Variants in CLINT1 observed in about 807,000 individuals in gnomAD.
CLINT1 encodes clathrin interacting protein localized in the trans-Golgi region.
Under a neutral mutation model 70.4 loss-of-function variants are expected in CLINT1, and 15 were observed. The ratio of observed to expected loss-of-function variants is 0.21; its 90% CI spans 0.14 to 0.33. The LOEUF (loss-of-function observed/expected upper bound fraction) is 0.33. Among genes scored for constraint, CLINT1 ranks in the 10% least tolerant of loss-of-function variants. CLINT1 has a pLI of 1.00. For synonymous variants in CLINT1, 227 were observed against 254.7 expected (o/e 0.89, Z 1.04); for missense variants, 615 against 778.1 (o/e 0.79, Z 2.49).
rs146594218 is a variant in CLINT1 at position 157,832,019 on chromosome 5, G to A, written c.42-14472C>T. 9.4e-5 allele frequency among the ~76,000 whole-genome samples: 14 copies of A among 149,668 alleles called. No homozygotes were observed. The East Asian group carries it at 2.2e-3, about 24-fold the overall frequency. ...CCACTGTTTTTTAAGACAGAGTCTC[G>A]CACTGTCCCCCAAGCTGGAGTGCAG... On this transcript the variant is annotated intron_variant, in intron 1 of 11. Coordinates refer to ENST00000411809, the MANE Select transcript of CLINT1 (RefSeq NM_014666.4).
chr5:157,823,119 T>C (rs1762927492), intron 1 of CLINT1, among the ~76,000 whole-genome samples: 1 of 152,206 alleles, frequency 6.6e-6, no homozygotes, highest in Non-Finnish European at 1.5e-5. Context: ...GATCAGGCAA[T>C]CTTTTATTTG....
At chr5:157,850,848 G>A (rs1753548714) in intron 1 of CLINT1, among the ~76,000 whole-genome samples, 1 of 151,924 alleles carries the variant, frequency 6.6e-6, no homozygotes, top group Non-Finnish European at 1.5e-5. Context: ...AGGCTAGAGT[G>A]CAGTGGCACA....
chr5:157,802,542 C>CTT (rs199598702), intron 8 of CLINT1, among the ~76,000 whole-genome samples: 4 of 137,290 alleles, frequency 2.9e-5, no homozygotes, highest in South Asian at 2.3e-4. Context: ...GTAGCCCTCT[C>CTT]TTTTTTTTTT....
intron 1 of CLINT1, among the ~76,000 whole-genome samples, chr5:157,817,979 G>A (rs989076203): frequency 6.6e-6 from 1 of 152,138 alleles, no homozygotes; most frequent in African/African-American, 2.4e-5. Context: ...TGTAACAGCT[G>A]AACAGTATCT....
At chr5:157,804,820 G>A (rs1428639496) in intron 7 of CLINT1, among the ~76,000 whole-genome samples, 3 of 151,898 alleles carry the variant, frequency 2.0e-5, no homozygotes, top group African/African-American at 4.8e-5. Flanking sequence ...TCAGCTACTC[G>A]GGAGGCTGAG....
intron 3 of CLINT1, 140 bp downstream of exon 3, chr5:157,816,594 C>T: frequency 1.7e-6 from 1 of 573,298 alleles, no homozygotes; most frequent in East Asian, 3.4e-5. Context: ...ACACAAATAA[C>T]AAATCTACTT....
At chr5:157,789,151 A>C (rs1037206939) in intron 11 of CLINT1, among the ~76,000 whole-genome samples, 1 of 152,164 alleles carries the variant, frequency 6.6e-6, no homozygotes, top group African/African-American at 2.4e-5. Flanking sequence ...AATACAATAA[A>C]TGTTATCAGG....
chr5:157,852,083 T>G (rs1293574816), intron 1 of CLINT1, among the ~76,000 whole-genome samples: 1 of 152,254 alleles, frequency 6.6e-6, no homozygotes, highest in African/African-American at 2.4e-5. Flanking sequence ...CTCTTAAGAA[T>G]AAATTGTCTG....
chr5:157,855,299 A>C (rs1561680732), intron 1 of CLINT1, among the ~76,000 whole-genome samples: 1 of 152,106 alleles, frequency 6.6e-6, no homozygotes, highest in Admixed American at 6.5e-5. Context: ...ACATTCCTCA[A>C]ATCTAGAGAG....
At chr5:157,851,944 G>C (rs1006763191) in intron 1 of CLINT1, among the ~76,000 whole-genome samples, 1 of 152,150 alleles carries the variant, frequency 6.6e-6, no homozygotes, top group East Asian at 1.9e-4. Flanking sequence ...TTGCCAATTT[G>C]AGGGGTTGAA....
intron 1 of CLINT1, among the ~76,000 whole-genome samples, chr5:157,827,823 A>G (rs755034936): frequency 6.6e-6 from 1 of 152,264 alleles, no homozygotes; most frequent in Non-Finnish European, 1.5e-5. Flanking sequence ...AGGCCATGCT[A>G]AAGGAAAATA....
chr5:157,815,579 T>C (rs1314352057), intron 3 of CLINT1, among the ~76,000 whole-genome samples: 1 of 152,180 alleles, frequency 6.6e-6, no homozygotes, highest in Non-Finnish European at 1.5e-5. Context: ...TTTAGTTAGG[T>C]TGGTAAAACT....
At chr5:157,836,673 C>G (rs117347521) in intron 1 of CLINT1, among the ~76,000 whole-genome samples, 1 of 152,366 alleles carries the variant, frequency 6.6e-6, no homozygotes, top group East Asian at 1.9e-4. Context: ...CACTGCACTG[C>G]CACTTTCTCA....
At chr5:157,794,697 T>C (rs888353625) in intron 9 of CLINT1, among the ~76,000 whole-genome samples, 1 of 152,198 alleles carries the variant, frequency 6.6e-6, no homozygotes, top group Non-Finnish European at 1.5e-5. Flanking sequence ...TAGATGTACC[T>C]GAGTAGTCTG....
chr5:157,815,711 C>T (rs924727676), intron 3 of CLINT1, among the ~76,000 whole-genome samples: 2 of 152,218 alleles, frequency 1.3e-5, no homozygotes, highest in Non-Finnish European at 2.9e-5. Context: ...ATAGAGTGTA[C>T]TTACACAAAC....
intron 1 of CLINT1, among the ~76,000 whole-genome samples, chr5:157,825,411 C>CA (rs1006819260): frequency 6.6e-5 from 10 of 151,048 alleles, no homozygotes; most frequent in East Asian, 3.9e-4. Context: ...CTTTCTCAGT[C>CA]AAAAAAAAAT....
At chr5:157,857,498 T>A (rs1021960066) in intron 1 of CLINT1, among the ~76,000 whole-genome samples, 4 of 152,234 alleles carry the variant, frequency 2.6e-5, no homozygotes, top group African/African-American at 7.2e-5. Flanking sequence ...GAAGCTTCTT[T>A]CTTAAAGAGG....
rs1762827342 is a variant in CLINT1, at chr5:157,819,803, C to T, written c.42-2256G>A. Among the ~76,000 whole-genome samples the T allele has an allele frequency of 2.6e-5, 4 of 152,194 alleles. No individual in the cohort carries two copies. In the South Asian group the frequency reaches 8.3e-4, roughly 31 times the overall value. ...GAACAAGATGAAAGAAGTTAATCTC[C>T]AGTCCATGTACATGAAATATTTTTA... On this transcript the variant is annotated intron_variant, in intron 1 of 11. Transcript: ENST00000411809.
intron 1 of CLINT1, among the ~76,000 whole-genome samples, chr5:157,849,418 T>C (rs1183960989): frequency 2.0e-5 from 3 of 152,258 alleles, no homozygotes; most frequent in South Asian, 2.1e-4. Context: ...GTGCATTTAA[T>C]AGACTACCAC....
Sources: gnomAD v4.1 joint callset for allele counts (sites outside exome capture counted in the v4.1 genomes callset) on GRCh38, gnomAD v4.1.1 for gene constraint, MANE v1.5 for transcripts, NCBI Gene and HGNC (gene_info 2026-07-23, HGNC 2026-07-21) for gene names.